Variants in CCDC34 observed in about 807,000 individuals in gnomAD.
CCDC34 encodes coiled-coil domain-containing protein 34.
CCDC34 carries 40 observed loss-of-function variants against 44.1 expected under a neutral mutation model. That is an observed-to-expected ratio of 0.91 (90% CI 0.70 to 1.18). CCDC34 has a LOEUF of 1.18. Among genes scored for constraint, CCDC34 ranks in the 50% most tolerant of loss-of-function variants. The pLI is 0.00. For missense variants in CCDC34, 466 were observed against 452.3 expected (o/e 1.03, Z -0.28); for synonymous variants, 159 against 158.2 (o/e 1.01, Z -0.04).
chr11:27,358,602 T>C (rs761718552), intron 1 of CCDC34, among the ~76,000 whole-genome samples: 33 of 152,282 alleles, frequency 2.2e-4, no homozygotes, highest in East Asian at 3.9e-4. Context: ...GTTGATGTGT[T>C]ATTTCTTATA....
intron 3 of CCDC34, chr11:27,350,129 C>A: frequency 7.0e-7 from 1 of 1,437,312 alleles, no homozygotes; most frequent in Non-Finnish European, 9.1e-7. Flanking sequence ...GTGCAAGCCA[C>A]AGGAGGGAAA....
intron 2 of CCDC34, among the ~76,000 whole-genome samples, chr11:27,351,962 C>G (rs74339010): frequency 6.6e-6 from 1 of 152,024 alleles, no homozygotes. Flanking sequence ...CAAGAATACC[C>G]GGCAAAAGGG....
intron 1 of CCDC34, among the ~76,000 whole-genome samples, chr11:27,361,045 G>A (rs1336304365): frequency 1.3e-5 from 2 of 152,222 alleles, no homozygotes; most frequent in Admixed American, 6.5e-5. Flanking sequence ...TTTAGGAAGT[G>A]GGAAATGGAC....
chr11:27,338,597 A>T lies in CCDC34; in HGVS notation c.*224T>A. ...AAACACAATTCTTACATATTCAGCC[A>T]CTTATTCTGCAAAACAACATGCCAA... is the stretch of plus-strand genomic sequence containing the variant. On this transcript the variant is annotated 3_prime_UTR_variant, in exon 6 of 6. Transcript: ENST00000328697. 2.0e-6 allele frequency: 1 copy of T among 489,568 alleles called. No individual in the cohort carries two copies. The highest frequency in any genetic ancestry group is 3.6e-6 in the Non-Finnish European group (1 of 281,404). 30.3% of individuals were successfully genotyped at this position (489,568 alleles called of 1,614,324 possible).
At chr11:27,355,587 T>C (rs928290563) in intron 2 of CCDC34, among the ~76,000 whole-genome samples, 13 of 152,196 alleles carry the variant, frequency 8.5e-5, no homozygotes, top group African/African-American at 2.9e-4. Context: ...CTTTGTTACA[T>C]TTAATCCTCA....
At chr11:27,347,987 C>G (rs779475599) in intron 3 of CCDC34, among the ~76,000 whole-genome samples, 4 of 151,994 alleles carry the variant, frequency 2.6e-5, no homozygotes, top group East Asian at 1.9e-4. Context: ...AAGGAAGACA[C>G]AACAGGCACT....
At chr11:27,344,147 T>A (rs1347182602) in intron 3 of CCDC34, among the ~76,000 whole-genome samples, 1 of 152,156 alleles carries the variant, frequency 6.6e-6, no homozygotes, top group African/African-American at 2.4e-5. Context: ...AAAATATTAT[T>A]GTGGCATATC....
chr11:27,351,683 ATACAC>A (rs1199208297), intron 2 of CCDC34, among the ~76,000 whole-genome samples: 1 of 152,208 alleles, frequency 6.6e-6, no homozygotes, highest in East Asian at 1.9e-4. Flanking sequence ...CTGATTTTCT[ATACAC>A]TAAAGAAATA....
At chr11:27,362,698 A>AG in intron 1 of CCDC34, 138 bp downstream of exon 1, 1 of 998,776 alleles carries the variant, frequency 1.0e-6, no homozygotes, top group South Asian at 1.7e-5. Context: ...TTATGTGCAA[A>AG]AAAAACCACG....
intron 3 of CCDC34, 141 bp from the exon 4 acceptor site, chr11:27,341,691 T>G (rs1862361394): frequency 2.0e-6 from 1 of 508,904 alleles, no homozygotes; most frequent in African/African-American, 2.0e-5. Flanking sequence ...CACAACATGG[T>G]TTATGAAAAT....
At chr11:27,348,467 T>G (rs1327068350) in intron 3 of CCDC34, among the ~76,000 whole-genome samples, 7 of 152,188 alleles carry the variant, frequency 4.6e-5, no homozygotes, top group African/African-American at 1.7e-4. Context: ...GCAACACAAA[T>G]GTTAGGAGTA....
At chr11:27,346,297 G>A (rs1480586656) in intron 3 of CCDC34, among the ~76,000 whole-genome samples, 1 of 152,026 alleles carries the variant, frequency 6.6e-6, no homozygotes, top group Non-Finnish European at 1.5e-5. Flanking sequence ...TCAGGAGGCT[G>A]AGGCACGAGA....
intron 3 of CCDC34, among the ~76,000 whole-genome samples, chr11:27,346,491 G>GAAGT (rs1405583507): frequency 6.7e-6 from 1 of 149,842 alleles, no homozygotes; most frequent in Non-Finnish European, 1.5e-5. Context: ...AGGAAGGAAG[G>GAAGT]AAGGAAGGAA....
intron 3 of CCDC34, 56 bp from the exon 4 acceptor site, chr11:27,341,606 G>T: frequency 2.6e-6 from 2 of 765,116 alleles, no homozygotes; most frequent in Non-Finnish European, 3.9e-6. Context: ...ACTCATCTAA[G>T]GAAAGACTGC....
intron 3 of CCDC34, 177 bp downstream of exon 3, chr11:27,350,155 G>C: frequency 6.7e-7 from 1 of 1,490,162 alleles, no homozygotes; most frequent in Non-Finnish European, 8.9e-7. Context: ...GAAAAGTAGA[G>C]GGCAAAGGGC....
At position 27,339,023 on chromosome 11, in the gene CCDC34, C is replaced by G. The variant is rs778143157; in HGVS notation, c.920G>C (p.Gly307Ala). The change falls in exon 6 of 6, where the codon GGA becomes GCA. Residue 307 changes from glycine to alanine, a missense_variant. Physicochemically the swap from Gly to Ala is moderately conservative, Grantham distance 60. Coordinates refer to ENST00000328697, the MANE Select transcript of CCDC34 (RefSeq NM_030771.2). ...ANGKLTGFYS[G>A]NSYPEPAFYN... is the part of the protein sequence containing the mutation. ...AAAGGCTGGTTCTGGATAGGAATTT[C>G]CACTGTAAAAACCTAAAATTATTGA... The G allele has an allele frequency of 3.7e-6, 6 of 1,607,168 alleles. No individual in the cohort carries two copies. The African/African-American group carries it at 8.1e-5, about 22-fold the overall frequency.
intron 5 of CCDC34, 150 bp downstream of exon 5, chr11:27,340,546 T>A: frequency 1.3e-6 from 1 of 762,026 alleles, no homozygotes; most frequent in South Asian, 3.4e-5. Context: ...AGCATCTCCA[T>A]AGGAACATGA....
chr11:27,353,435 A>T (rs1269160055), intron 2 of CCDC34, among the ~76,000 whole-genome samples: 1 of 152,046 alleles, frequency 6.6e-6, no homozygotes, highest in African/African-American at 2.4e-5. Flanking sequence ...ATGACCATAG[A>T]GAACCTGGAG....
chr11:27,343,933 T>C (rs1031529593), intron 3 of CCDC34, among the ~76,000 whole-genome samples: 1 of 152,190 alleles, frequency 6.6e-6, no homozygotes, highest in Admixed American at 6.5e-5. Context: ...TTTATGCCAA[T>C]AAATTCAATA....
Sources: gnomAD v4.1 joint callset for allele counts (sites outside exome capture counted in the v4.1 genomes callset) on GRCh38, gnomAD v4.1.1 for gene constraint, MANE v1.5 for transcripts, NCBI Gene and HGNC (gene_info 2026-07-23, HGNC 2026-07-21) for gene names.